TRAPPC11: variants seen among roughly 807,000 people sequenced by gnomAD.
The protein encoded by TRAPPC11 is trafficking protein particle complex subunit 11.
TRAPPC11 carries 104 observed loss-of-function variants against 151.2 expected under a neutral mutation model. The observed-to-expected ratio is 0.69, with a 90% confidence interval of 0.59 to 0.81. The LOEUF (loss-of-function observed/expected upper bound fraction) is 0.81. TRAPPC11 is among the 30% of genes least tolerant of loss of function. TRAPPC11 has a pLI of 0.00. For missense variants in TRAPPC11, 1,230 were observed against 1,349.6 expected (o/e 0.91, Z 1.39); for synonymous variants, 456 against 472.3 (o/e 0.97, Z 0.45).
intron 2 of TRAPPC11, among the ~76,000 whole-genome samples, chr4:183,664,993 A>G (rs1037404737): frequency 2.0e-5 from 3 of 151,728 alleles, no homozygotes; most frequent in African/African-American, 4.8e-5. Flanking sequence ...CCACACGACA[A>G]CATTTCATAT....
intron 1 of TRAPPC11, among the ~76,000 whole-genome samples, chr4:183,660,444 T>C (rs1734420485): frequency 6.6e-6 from 1 of 152,214 alleles, no homozygotes; most frequent in South Asian, 2.1e-4. Context: ...TATGATAATA[T>C]TTTGGACATA....
chr4:183,677,605 A>G (rs1396536246), intron 8 of TRAPPC11, 51 bp downstream of exon 8: 5 of 1,050,174 alleles, frequency 4.8e-6, no homozygotes, highest in Non-Finnish European at 7.2e-6. Flanking sequence ...ATATTAAATT[A>G]TCTTTTTAAA....
In TRAPPC11 at chr4:183,697,820, T is replaced by G; in HGVS notation, c.2836T>G (p.Ser946Ala). ...CATGACCACAGTGGACCAGCTCGAG[T>G]CTCAAGTGGACAATGGTGAGTCTGG... ...PSMTTVDQLE[S>A]QVDNVILQTG... The change falls in exon 25 of 30, where the codon TCT becomes GCT. Residue 946 changes from serine to alanine, a missense_variant. Ser to Ala is a moderately conservative substitution (Grantham distance 99, BLOSUM62 1). Coordinates refer to ENST00000334690, the MANE Select transcript of TRAPPC11 (RefSeq NM_021942.6). 6.2e-7 allele frequency: 1 copy of G among 1,613,568 alleles called. No homozygotes were observed. Among genetic ancestry groups the G allele is most frequent in the African/African-American group, 1.3e-5 (1 of 74,930 alleles).
chr4:183,712,316 C>T (rs1327883222), intron 29 of TRAPPC11, among the ~76,000 whole-genome samples: 1 of 152,166 alleles, frequency 6.6e-6, no homozygotes, highest in Non-Finnish European at 1.5e-5. Flanking sequence ...GAAGTACTGA[C>T]AGAAGAGGAT....
chr4:183,712,773 C>A lies in TRAPPC11; in HGVS notation c.*129C>A. On this transcript the variant is annotated 3_prime_UTR_variant, in exon 30 of 30. Transcript: ENST00000334690. ...TTCTATTTTTTAATGGATGTTATAC[C>A]AACTATTCAGAGGAACTCATACTTC... The A allele has an allele frequency of 1.2e-6, 1 of 831,638 alleles. No homozygotes were observed. The highest frequency in any genetic ancestry group is 1.8e-5 in the South Asian group (1 of 56,352). The allele number at this position is 831,638 out of a possible 1,614,324, so 51.5% of individuals were successfully genotyped here.
chr4:183,695,588 T>A (rs1298454936), intron 23 of TRAPPC11, among the ~76,000 whole-genome samples: 1 of 152,218 alleles, frequency 6.6e-6, no homozygotes, highest in Non-Finnish European at 1.5e-5. Flanking sequence ...TTATGTTCTC[T>A]TTTGTTAGTA....
intron 5 of TRAPPC11, among the ~76,000 whole-genome samples, chr4:183,670,200 T>C (rs976020611): frequency 6.6e-6 from 1 of 152,230 alleles, no homozygotes; most frequent in African/African-American, 2.4e-5. Flanking sequence ...GTATTACCTA[T>C]ACATGCTACA....
chr4:183,709,258 G>T (rs1737224885), intron 29 of TRAPPC11, among the ~76,000 whole-genome samples: 2 of 152,166 alleles, frequency 1.3e-5, no homozygotes, highest in South Asian at 4.2e-4. Flanking sequence ...CCCTCATTTG[G>T]AATGACAGTT....
intron 5 of TRAPPC11, among the ~76,000 whole-genome samples, chr4:183,669,372 C>G (rs1735034516): frequency 6.6e-6 from 1 of 152,216 alleles, no homozygotes; most frequent in African/African-American, 2.4e-5. Context: ...ATCCCAGCAT[C>G]ACACCTGGCC....
In TRAPPC11 at chr4:183,667,091, G is replaced by C; in HGVS notation, c.406G>C (p.Ala136Pro). The change falls in exon 4 of 30, where the codon GCA becomes CCA. Residue 136 changes from alanine to proline, a missense_variant. Ala to Pro is a conservative substitution (Grantham distance 27). Transcript: ENST00000334690. ...QSLQGRNTKV[A>P]VVLIQKKTPL... The stretch of plus-strand genomic sequence containing the variant: ...TTTACAAGGAAGAAACACAAAAGTT[G>C]CAGTGGTTCTGATTCAGAAGAAAAC... 6.2e-7 allele frequency: 1 copy of C among 1,603,458 alleles called. No individual in the cohort carries two copies. The highest frequency in any genetic ancestry group is 8.5e-7 in the Non-Finnish European group (1 of 1,173,128).
intron 8 of TRAPPC11, among the ~76,000 whole-genome samples, chr4:183,677,940 CTTTT>C (rs199638936): frequency 5.7e-5 from 8 of 140,390 alleles, no homozygotes; most frequent in African/African-American, 1.3e-4. Context: ...TTAGAGGAAA[CTTTT>C]TTTTTTTTTT....
intron 11 of TRAPPC11, 141 bp downstream of exon 11, chr4:183,682,966 A>G (rs1735773292): frequency 4.6e-6 from 3 of 647,394 alleles, no homozygotes; most frequent in Non-Finnish European, 5.4e-6. Context: ...TTTTGTTTTT[A>G]GAATGCTTTG....
In TRAPPC11 at chr4:183,694,600, A is replaced by G; in HGVS notation, c.2509-4A>G. On this transcript the variant is annotated splice_polypyrimidine_tract_variant and splice_region_variant and intron_variant, in intron 22 of 29. Coordinates refer to ENST00000334690, the MANE Select transcript of TRAPPC11 (RefSeq NM_021942.6). ...ATTAAATTACAACATTTATTTTGTT[A>G]CAGCTGGAAAAAATGTTGTATGTTC... 6.2e-7 allele frequency: 1 copy of G among 1,610,434 alleles called. No individual in the cohort carries two copies. Among genetic ancestry groups the G allele is most frequent in the Non-Finnish European group, 8.5e-7 (1 of 1,177,874 alleles).
chr4:183,675,215 C>A lies in TRAPPC11; in HGVS notation c.712C>A (p.Gln238Lys). Residue 238 changes from glutamine (Q) to lysine (K), a missense_variant, in exon 7 of 30, where the codon CAA (glutamine) becomes AAA (lysine). By Grantham distance (53) the Gln-to-Lys change is moderately conservative. Coordinates refer to ENST00000334690, the MANE Select transcript of TRAPPC11 (RefSeq NM_021942.6). The part of the protein sequence containing the change: ...FKIAFFSELK[Q>K]DTQNALKNYR... The stretch of plus-strand genomic sequence containing the variant: ...AATAGCTTTCTTCAGTGAGTTGAAA[C>A]AAGATACACAAAATGCGCTGAAGTA... The A allele has an allele frequency of 6.5e-7, 1 of 1,541,322 alleles. No individual in the cohort carries two copies.
rs1183099293 is a variant in TRAPPC11, at chr4:183,683,896, G to C, written c.1208-79G>C. The C allele has an allele frequency of 2.8e-6, 3 of 1,085,874 alleles. No homozygotes were observed. In the East Asian group the frequency reaches 7.2e-5, roughly 26 times the overall value. 67.3% of individuals were successfully genotyped at this position (1,085,874 alleles called of 1,614,324 possible). A position where few individuals can be genotyped will look rare whatever the true frequency, so the allele number is the denominator to read the frequency against. On this transcript the variant is annotated intron_variant, in intron 11 of 29. Coordinates refer to ENST00000334690, the MANE Select transcript of TRAPPC11 (RefSeq NM_021942.6). Reference sequence around the variant, plus strand: ...GATTATATTAAATAAAGGTTTCAAGGAGTGTACACATACAACGTTCATATG... The same window carrying C: ...GATTATATTAAATAAAGGTTTCAAGCAGTGTACACATACAACGTTCATATG...
chr4:183,680,996 T>C (rs1735660550), intron 10 of TRAPPC11, among the ~76,000 whole-genome samples: 2 of 151,772 alleles, frequency 1.3e-5, no homozygotes, highest in African/African-American at 4.9e-5. Context: ...CCTGGCCTCC[T>C]GTGTAGAGAC....
chr4:183,679,886 G>A (rs1373737436), intron 9 of TRAPPC11, among the ~76,000 whole-genome samples: 10 of 152,172 alleles, frequency 6.6e-5, no homozygotes, highest in Admixed American at 5.2e-4. Context: ...GATCTAGTTT[G>A]ATGGTATATT....
At position 183,697,892 on chromosome 4, in the gene TRAPPC11, T is replaced by C. The variant is rs958110941; in HGVS notation, c.2851+57T>C. On this transcript the variant is annotated intron_variant, in intron 25 of 29. Transcript: ENST00000334690. The stretch of plus-strand genomic sequence containing the variant: ...GGAGAATTGTGCGCGCGTGTGTGTG[T>C]GTGTGTATAAGCTGGCAATGGAAGA... The C allele has an allele frequency of 2.6e-6, 4 of 1,525,204 alleles. No individual in the cohort carries two copies. In the African/African-American group the frequency reaches 4.1e-5, roughly 16 times the overall value. The allele number at this position is 1,525,204 out of a possible 1,614,324, so 94.5% of individuals were successfully genotyped here.
intron 20 of TRAPPC11, 94 bp from the exon 21 acceptor site, chr4:183,693,495 T>C: frequency 7.3e-7 from 1 of 1,375,422 alleles, no homozygotes; most frequent in Non-Finnish European, 9.8e-7. Context: ...CCTGAGCCTC[T>C]GCACCCAGCC....
Sources: allele counts gnomAD v4.1 joint callset (sites outside exome capture counted in the v4.1 genomes callset), GRCh38; gene constraint gnomAD v4.1.1; transcripts MANE v1.5; gene names NCBI Gene and HGNC (gene_info 2026-07-23, HGNC 2026-07-21).